PARD3B: variants seen among roughly 807,000 people sequenced by gnomAD.
The protein encoded by PARD3B is par-3 family cell polarity regulator beta.
A neutral mutation model predicts 130.2 loss-of-function variants in PARD3B; 103 were observed. That is an observed-to-expected ratio of 0.79 (90% confidence interval 0.67 to 0.93). The LOEUF is 0.93. Ranked by LOEUF, PARD3B falls within the 40% of genes least tolerant of loss-of-function variation. The pLI is 0.00. For missense variants in PARD3B, 1,609 were observed against 1,499.2 expected, an observed-to-expected ratio of 1.07 and a Z score of -1.21; for synonymous variants, 583 against 553.2, an observed-to-expected ratio of 1.05 and a Z score of -0.76.
intron 20 of PARD3B, among the ~76,000 whole-genome samples, chr2:205,478,568 A>T (rs10932111): frequency 0.14 from 20,737 of 152,178 alleles, 2,637 homozygotes; most frequent in African/African-American, 0.34. Context: ...GGAATGTAAC[A>T]TTTGCATTTG....
intron 1 of PARD3B, among the ~76,000 whole-genome samples, chr2:204,575,259 A>G (rs111733563): frequency 2.3e-3 from 354 of 152,340 alleles, no homozygotes; most frequent in African/African-American, 8.1e-3. Flanking sequence ...TGTACTTGAA[A>G]TGAATTTGCT....
rs1168516383 is a variant in PARD3B, at chr2:204,677,019, T to C, written c.121-9162T>C. On this transcript the variant is annotated intron_variant, in intron 1 of 22. Transcript: ENST00000406610. The surrounding 1 kb of genome is among the most constrained non-coding windows in gnomAD (Gnocchi z 4.1). Reference sequence around the variant, plus strand: ...CTTACGCTGAGTTTCTACCTCTCTATCGTCTATGTATCATTTCTAGAACAG... The same window carrying C: ...CTTACGCTGAGTTTCTACCTCTCTACCGTCTATGTATCATTTCTAGAACAG... Among the ~76,000 whole-genome samples, 1 of 152,122 alleles carries C rather than the reference T, an allele frequency of 6.6e-6. No individual in the cohort carries two copies. The highest frequency in any genetic ancestry group is 1.5e-5 in the Non-Finnish European group (1 of 68,022).
intron 2 of PARD3B, among the ~76,000 whole-genome samples, chr2:204,776,456 A>G (rs2041626384): frequency 6.6e-6 from 1 of 152,162 alleles, no homozygotes; most frequent in African/African-American, 2.4e-5. Context: ...ATTATTAGTG[A>G]TGGAACATCT....
chr2:204,553,651 CATATATATAT>C (rs55744172), intron 1 of PARD3B, among the ~76,000 whole-genome samples: 1,192 of 83,326 alleles, frequency 0.014, 20 homozygotes, highest in African/African-American at 0.044. Flanking sequence ...TATATATATC[CATATATATAT>C]ATATATATAT....
chr2:205,023,594 T>C (rs1696795752), intron 3 of PARD3B, among the ~76,000 whole-genome samples: 1 of 137,830 alleles, frequency 7.3e-6, no homozygotes, highest in Admixed American at 7.7e-5. Context: ...TCTGACCTTG[T>C]TCGCAGTTCC....
At chr2:205,225,141 T>C (rs577398521) in intron 15 of PARD3B, among the ~76,000 whole-genome samples, 9 of 152,282 alleles carry the variant, frequency 5.9e-5, no homozygotes, top group African/African-American at 2.2e-4. Flanking sequence ...GATTGCTGGA[T>C]CATATGGGAG....
chr2:205,526,521 C>T (rs1430285695), intron 21 of PARD3B, among the ~76,000 whole-genome samples: 1 of 152,158 alleles, frequency 6.6e-6, no homozygotes, highest in Non-Finnish European at 1.5e-5. Flanking sequence ...ACAACTCTAA[C>T]TTGATAGCAA....
rs1228476118 is a variant in PARD3B at position 205,230,388 on chromosome 2, C to T, written c.2141-15390C>T. ...GTCTGGGTTCTCCCCTTCAAAGCTGCGAGTTTCCTTCTGGCAGAGTGTGTG... is the reference window on the plus strand; with the variant it reads ...GTCTGGGTTCTCCCCTTCAAAGCTGTGAGTTTCCTTCTGGCAGAGTGTGTG... On this transcript the variant is annotated intron_variant, in intron 15 of 22. Coordinates refer to ENST00000406610, the MANE Select transcript of PARD3B (RefSeq NM_001302769.2). The surrounding 1 kb of genome is among the most constrained non-coding windows in gnomAD (Gnocchi z 4.1). 8.5e-5 allele frequency among the ~76,000 whole-genome samples: 13 copies of T among 152,138 alleles called. No individual in the cohort carries two copies. In the East Asian group the frequency reaches 1.2e-3, roughly 14 times the overall value.
rs145459027 is a variant in PARD3B, at chr2:205,171,663, C to T, written c.1621-548C>T. Among the ~76,000 whole-genome samples, 115 of 152,280 alleles carry T rather than the reference C, an allele frequency of 7.6e-4. 1 individual carries two copies. Among genetic ancestry groups the T allele is most frequent in the Admixed American group, 3.1e-3 (47 of 15,306 alleles). On this transcript the variant is annotated intron_variant, in intron 11 of 22. Coordinates refer to ENST00000406610, the MANE Select transcript of PARD3B (RefSeq NM_001302769.2). Reference sequence around the variant, plus strand: ...ACACACCTCTGTGTTCTTTGGCAGACGAGCAACTTTGTGGTTGTGTTAGAC... The same window carrying T: ...ACACACCTCTGTGTTCTTTGGCAGATGAGCAACTTTGTGGTTGTGTTAGAC...
intron 2 of PARD3B, among the ~76,000 whole-genome samples, chr2:204,778,042 G>A (rs1270314239): frequency 6.6e-6 from 1 of 151,446 alleles, no homozygotes; most frequent in Non-Finnish European, 1.5e-5. Context: ...GGCCTCCCTA[G>A]CCATGTGGAA....
chr2:205,046,323 G>A (rs1017501610), intron 3 of PARD3B, among the ~76,000 whole-genome samples: 6 of 151,750 alleles, frequency 4.0e-5, no homozygotes, highest in Admixed American at 6.6e-5. Flanking sequence ...ATGTCAGTTG[G>A]TTAAGAAATG....
chr2:204,721,711 TAGTC>T (rs2039006140), intron 2 of PARD3B, among the ~76,000 whole-genome samples: 1 of 152,210 alleles, frequency 6.6e-6, no homozygotes, highest in African/African-American at 2.4e-5. Flanking sequence ...GGTATTTTAG[TAGTC>T]AGTATCCTTT....
intron 18 of PARD3B, among the ~76,000 whole-genome samples, chr2:205,312,944 G>A (rs1368847395): frequency 6.6e-6 from 1 of 152,124 alleles, no homozygotes; most frequent in South Asian, 2.1e-4. Flanking sequence ...AAACCCAGTG[G>A]TGTGATCACT....
rs1164273822 is a variant in PARD3B at position 205,461,653 on chromosome 2, T to C, written c.3044+20981T>C. Among the ~76,000 whole-genome samples, 1 of 152,196 alleles carries C rather than the reference T, an allele frequency of 6.6e-6. No homozygotes were observed. The highest frequency in any genetic ancestry group is 2.4e-5 in the African/African-American group (1 of 41,446). On this transcript the variant is annotated intron_variant, in intron 20 of 22. Coordinates refer to ENST00000406610, the MANE Select transcript of PARD3B (RefSeq NM_001302769.2). This position sits in a 1 kb window ranked among gnomAD's most constrained non-coding sequence, Gnocchi z 4.3. ...AACTTTTAGTGGTCCTAGATAATTG[T>C]TCTCAAATTTGAGCACGCATCAGAA...
intron 18 of PARD3B, among the ~76,000 whole-genome samples, chr2:205,329,712 C>T (rs1476323556): frequency 1.3e-5 from 2 of 152,130 alleles, no homozygotes; most frequent in African/African-American, 4.8e-5. Context: ...TAATCATGGC[C>T]GGGCACAGTG....
intron 16 of PARD3B, among the ~76,000 whole-genome samples, chr2:205,283,286 TTTTG>T (rs1263536314): frequency 5.3e-5 from 8 of 152,140 alleles, no homozygotes; most frequent in African/African-American, 9.7e-5. Flanking sequence ...GCCAAACTTT[TTTTG>T]TTTGTTTGTT....
intron 2 of PARD3B, among the ~76,000 whole-genome samples, chr2:204,924,342 T>C (rs1687421958): frequency 6.6e-6 from 1 of 152,116 alleles, no homozygotes; most frequent in Non-Finnish European, 1.5e-5. Context: ...TAATGGGACA[T>C]TGATTATAAC....
At chr2:205,221,399 T>A (rs1186749407) in intron 15 of PARD3B, among the ~76,000 whole-genome samples, 1 of 152,168 alleles carries the variant, frequency 6.6e-6, no homozygotes, top group Non-Finnish European at 1.5e-5. Flanking sequence ...AAAAACGACT[T>A]CAGGATTTTT....
intron 3 of PARD3B, among the ~76,000 whole-genome samples, chr2:204,969,916 CGT>C (rs368645504): frequency 6.0e-5 from 9 of 150,254 alleles, no homozygotes; most frequent in African/African-American, 7.3e-5. Context: ...CTTCTCATCC[CGT>C]GTGTGTGTGT....
Sources: allele counts gnomAD v4.1 joint callset (sites outside exome capture counted in the v4.1 genomes callset), GRCh38; gene constraint gnomAD v4.1.1; non-coding constraint Gnocchi (gnomAD v3.1); transcripts MANE v1.5; gene names NCBI Gene and HGNC (gene_info 2026-07-23, HGNC 2026-07-21).